INTS7: variants seen among roughly 807,000 people sequenced by gnomAD.
The protein encoded by INTS7 is chromosome 1 open reading frame 73.
A neutral mutation model predicts 109.2 loss-of-function variants in INTS7; 46 were observed. The observed-to-expected ratio is 0.42, with a 90% CI of 0.33 to 0.54. The LOEUF (loss-of-function observed/expected upper bound fraction) is 0.54, where lower values mean the gene tolerates loss of function less well. Ranked by LOEUF, INTS7 falls within the 20% of genes least tolerant of loss-of-function variation. The probability of loss-of-function intolerance (pLI) is 0.07; values close to 1 mark genes in which losing one functional copy is unlikely to be tolerated. For synonymous variants in INTS7, 412 were observed against 402.9 expected (o/e 1.02, Z -0.27); for missense variants, 929 against 1,132.4 (o/e 0.82, Z 2.58).
chr1:211,984,142 T>C (rs1195921167), intron 8 of INTS7, among the ~76,000 whole-genome samples: 1 of 152,136 alleles, frequency 6.6e-6, no homozygotes, highest in African/African-American at 2.4e-5. Flanking sequence ...TAAGCCACCA[T>C]GCCTGGCCCC....
chr1:212,018,897 A>T (rs1169417484), intron 3 of INTS7, among the ~76,000 whole-genome samples: 1 of 152,202 alleles, frequency 6.6e-6, no homozygotes, highest in Non-Finnish European at 1.5e-5. Context: ...TTTAAAAATG[A>T]TTCATTTAAA....
At chr1:211,958,399 AAAT>A (rs1663460165) in intron 16 of INTS7, among the ~76,000 whole-genome samples, 2 of 151,922 alleles carry the variant, frequency 1.3e-5, no homozygotes. Flanking sequence ...CTTCCCTTCT[AAAT>A]AATATTTTCT....
At chr1:212,005,660 G>GCA (rs1665873288) in intron 7 of INTS7, among the ~76,000 whole-genome samples, 1 of 152,206 alleles carries the variant, frequency 6.6e-6, no homozygotes, top group Non-Finnish European at 1.5e-5. Context: ...AAGTGGCTGG[G>GCA]CACATTCTCT....
chr1:211,972,612 T>G (rs1664229137), intron 13 of INTS7, among the ~76,000 whole-genome samples: 1 of 152,206 alleles, frequency 6.6e-6, no homozygotes, highest in African/African-American at 2.4e-5. Flanking sequence ...AAAACTTGCT[T>G]CTAACTAATG....
intron 17 of INTS7, among the ~76,000 whole-genome samples, chr1:211,948,699 TTTTTG>T (rs530741294): frequency 1.8e-4 from 27 of 152,268 alleles, no homozygotes; most frequent in East Asian, 5.8e-4. Flanking sequence ...ACGTTAACGC[TTTTTG>T]TTTTGTTTTG....
At chr1:211,958,935 G>A (rs1021246172) in intron 16 of INTS7, among the ~76,000 whole-genome samples, 8 of 152,176 alleles carry the variant, frequency 5.3e-5, no homozygotes, top group Non-Finnish European at 1.0e-4. Context: ...ATTAAGGGTG[G>A]ACAGAGGGAA....
intron 16 of INTS7, among the ~76,000 whole-genome samples, chr1:211,956,558 A>G: frequency 6.6e-6 from 1 of 152,186 alleles, no homozygotes; most frequent in South Asian, 2.1e-4. Flanking sequence ...TTATGCTTTT[A>G]ATATCTGTAA....
rs375087554 is a variant in INTS7 at position 211,978,555 on chromosome 1, C to A, written c.1231-44G>T. The A allele has an allele frequency of 6.2e-6, 10 of 1,609,118 alleles. No individual in the cohort carries two copies. The African/African-American group carries it at 1.2e-4, about 19-fold the overall frequency. The stretch of plus-strand genomic sequence containing the variant: ...ATGAACTAGTTACATTTTGAAGATA[C>A]AGATGAAGCTTTAAGGAAAAGAGCT... On this transcript the variant is annotated intron_variant, in intron 10 of 19. Coordinates refer to ENST00000366994, the MANE Select transcript of INTS7 (RefSeq NM_015434.4).
At chr1:211,980,492 G>C (rs1664615852) in intron 10 of INTS7, among the ~76,000 whole-genome samples, 1 of 152,080 alleles carries the variant, frequency 6.6e-6, no homozygotes, top group South Asian at 2.1e-4. Context: ...GTAGAGAACA[G>C]TGGTGCAATA....
chr1:212,027,986 C>T (rs1667003906), intron 1 of INTS7, among the ~76,000 whole-genome samples: 1 of 152,142 alleles, frequency 6.6e-6, no homozygotes, highest in Non-Finnish European at 1.5e-5. Context: ...ACCATCACAC[C>T]TGGCTAAGTT....
chr1:211,954,174 G>GT (rs1663248078), intron 16 of INTS7, among the ~76,000 whole-genome samples: 1 of 152,172 alleles, frequency 6.6e-6, no homozygotes, highest in Non-Finnish European at 1.5e-5. Context: ...TTTTTCATGT[G>GT]TTTTTTGGCT....
At chr1:211,954,477 T>C (rs1320187617) in intron 16 of INTS7, among the ~76,000 whole-genome samples, 7 of 152,232 alleles carry the variant, frequency 4.6e-5, no homozygotes, top group African/African-American at 1.7e-4. Flanking sequence ...TGCCCATGCC[T>C]ATGTCCTGAA....
At chr1:211,979,531 C>G (rs1367846188) in intron 10 of INTS7, among the ~76,000 whole-genome samples, 2 of 152,124 alleles carry the variant, frequency 1.3e-5, no homozygotes, top group South Asian at 4.1e-4. Context: ...AATAGACATT[C>G]AAATAACAAT....
At chr1:211,997,065 G>A (rs987351765) in intron 7 of INTS7, among the ~76,000 whole-genome samples, 5 of 151,906 alleles carry the variant, frequency 3.3e-5, no homozygotes, top group South Asian at 2.1e-4. Context: ...GATAAGATGC[G>A]GGATAAAAGA....
chr1:212,027,073 AAAG>A (rs1310089623), intron 1 of INTS7, among the ~76,000 whole-genome samples: 27 of 152,222 alleles, frequency 1.8e-4, no homozygotes, highest in Non-Finnish European at 2.9e-4. Flanking sequence ...TAAATGAACT[AAAG>A]AATATTAAAC....
intron 3 of INTS7, 63 bp downstream of exon 3, chr1:212,020,059 C>CT (rs1197508638): frequency 1.4e-4 from 159 of 1,170,412 alleles, no homozygotes; most frequent in Non-Finnish European, 1.6e-4. Flanking sequence ...AATACACTGC[C>CT]TTTTTTGTAC....
At position 211,978,369 on chromosome 1, in the gene INTS7, A is replaced by G. The variant is rs996134251; in HGVS notation, c.1373T>C (p.Met458Thr). 5 of 1,614,178 alleles carry G rather than the reference A, an allele frequency of 3.1e-6. No individual in the cohort carries two copies. Among genetic ancestry groups the G allele is most frequent in the Non-Finnish European group, 4.2e-6 (5 of 1,180,000 alleles). ...CCCATCACCCAGCACCGGCAGTTGC[A>G]TGGCAATGGCTGCCAGGCAATGGCA... ...LMCHCLAAIA[M>T]QLPVLGDGML... The change falls in exon 11 of 20, where the codon ATG becomes ACG. Residue 458 changes from methionine to threonine, a missense_variant. By Grantham distance (81) the Met-to-Thr change is moderately conservative (BLOSUM62 -1). Around this residue, in one of 2 missense-constraint regions of INTS7, gnomAD observed 787 missense variants for 901.1 expected, o/e 0.87. Coordinates refer to ENST00000366994, the MANE Select transcript of INTS7 (RefSeq NM_015434.4).
chr1:212,014,958 C>G (rs572611767), intron 4 of INTS7, among the ~76,000 whole-genome samples: 20 of 152,342 alleles, frequency 1.3e-4, no homozygotes, highest in African/African-American at 4.8e-4. Flanking sequence ...GCCGCCACCC[C>G]GTCTGGGAAG....
chr1:212,017,903 A>G lies in INTS7; in HGVS notation c.372-880T>C, dbSNP rs556232256. On this transcript the variant is annotated intron_variant, in intron 3 of 19. Transcript: ENST00000366994. Reference sequence around the variant, plus strand: ...AAAATGGACTAAATATGTAATTTATATTTAATTTGAAGGTTTTGGAATTAT... The same window carrying G: ...AAAATGGACTAAATATGTAATTTATGTTTAATTTGAAGGTTTTGGAATTAT... Among the ~76,000 whole-genome samples, 4 of 152,380 alleles carry G rather than the reference A, an allele frequency of 2.6e-5. No individual in the cohort carries two copies. The South Asian group carries it at 8.3e-4, about 32-fold the overall frequency.
Sources: allele counts gnomAD v4.1 joint callset (sites outside exome capture counted in the v4.1 genomes callset), GRCh38; gene constraint gnomAD v4.1.1; regional missense constraint gnomAD v4.1.1; transcripts MANE v1.5; gene names NCBI Gene and HGNC (gene_info 2026-07-23, HGNC 2026-07-21).